GAP43: variants seen among roughly 807,000 people sequenced by gnomAD.
GAP43 encodes growth associated protein 43.
In GAP43, 6 loss-of-function variants were observed where a neutral mutation model predicts 18.6. That is an observed-to-expected ratio of 0.32 (90% confidence interval 0.18 to 0.64). The LOEUF is 0.64. GAP43 is among the 30% of genes least tolerant of loss of function. GAP43 has a pLI of 0.78. For synonymous variants in GAP43, 115 were observed against 111.4 expected (o/e 1.03, Z -0.20); for missense variants, 292 against 295.5 (o/e 0.99, Z 0.09).
intron 2 of GAP43, among the ~76,000 whole-genome samples, chr3:115,702,231 TAAAG>T (rs1169685802): frequency 6.6e-6 from 1 of 152,116 alleles, no homozygotes; most frequent in African/African-American, 2.4e-5. Context: ...GATTTCATGA[TAAAG>T]AAAGTAATAT....
intron 2 of GAP43, among the ~76,000 whole-genome samples, chr3:115,713,968 A>G (rs1709470729): frequency 6.6e-6 from 1 of 152,208 alleles, no homozygotes; most frequent in African/African-American, 2.4e-5. Context: ...TACGCTCCTT[A>G]GGGCTGAGTG....
At chr3:115,645,193 A>G (rs1225325369) in intron 1 of GAP43, among the ~76,000 whole-genome samples, 1 of 152,048 alleles carries the variant, frequency 6.6e-6, no homozygotes, top group Non-Finnish European at 1.5e-5. Flanking sequence ...TATAGGGTAA[A>G]TATATGAATC....
chr3:115,641,195 C>A (rs987029102), intron 1 of GAP43, among the ~76,000 whole-genome samples: 2 of 151,760 alleles, frequency 1.3e-5, no homozygotes, highest in African/African-American at 2.4e-5. Flanking sequence ...TTCTACCAAA[C>A]CACATTCTGC....
Position 115,695,313 on chromosome 3 carries a change from T to G in GAP43, c.628+18703T>G, listed in dbSNP as rs1709171540. On this transcript the variant is annotated intron_variant, in intron 2 of 2. Coordinates refer to ENST00000305124, the MANE Select transcript of GAP43 (RefSeq NM_002045.4). ...AGTCTGTCATCAAGCACTGTTAAAA[T>G]AGATCAACATTTCCAGAAATTTCAT... Among the ~76,000 whole-genome samples the G allele has an allele frequency of 2.0e-5, 3 of 152,192 alleles. No individual in the cohort carries two copies. In the South Asian group the frequency reaches 6.2e-4, roughly 32 times the overall value.
chr3:115,659,770 G>T (rs6770259), intron 1 of GAP43, among the ~76,000 whole-genome samples: 6,539 of 152,216 alleles, frequency 0.043, 203 homozygotes, highest in Non-Finnish European at 0.067. Context: ...AGTGATGAGT[G>T]TAGGAAGCTC....
At chr3:115,715,780 A>G (rs1345082888) in intron 2 of GAP43, among the ~76,000 whole-genome samples, 1 of 152,146 alleles carries the variant, frequency 6.6e-6, no homozygotes, top group East Asian at 1.9e-4. Flanking sequence ...AAACGTTGTA[A>G]TCTTCAGACC....
At chr3:115,664,823 T>G (rs1708711617) in intron 1 of GAP43, among the ~76,000 whole-genome samples, 1 of 152,166 alleles carries the variant, frequency 6.6e-6, no homozygotes, top group Non-Finnish European at 1.5e-5. Context: ...AGAAATCTAA[T>G]TAAAATGGAA....
intron 1 of GAP43, among the ~76,000 whole-genome samples, chr3:115,643,956 G>A (rs1432048354): frequency 2.6e-5 from 4 of 151,974 alleles, no homozygotes; most frequent in Non-Finnish European, 5.9e-5. Context: ...AGCTAAACAC[G>A]TGCTACAGCT....
intron 2 of GAP43, among the ~76,000 whole-genome samples, chr3:115,714,073 G>C (rs999052636): frequency 6.6e-5 from 10 of 152,108 alleles, no homozygotes; most frequent in African/African-American, 2.4e-4. Flanking sequence ...CAATAACTTA[G>C]AGGTTTTTGC....
chr3:115,717,841 T>C (rs1709530396), intron 2 of GAP43, among the ~76,000 whole-genome samples: 1 of 152,210 alleles, frequency 6.6e-6, no homozygotes, highest in Admixed American at 6.5e-5. Context: ...TAATTTCCTG[T>C]CATAATAAAC....
At chr3:115,708,264 T>A (rs1709389558) in intron 2 of GAP43, among the ~76,000 whole-genome samples, 1 of 152,210 alleles carries the variant, frequency 6.6e-6, no homozygotes. Context: ...AATGAAGTGA[T>A]GAATTCTGTT....
intron 2 of GAP43, among the ~76,000 whole-genome samples, chr3:115,698,274 T>TATATATAAATATAATATATATATA (rs1709245837): frequency 3.7e-4 from 1 of 2,728 alleles, no homozygotes; most frequent in African/African-American, 7.2e-4. Flanking sequence ...AAATATATAT[T>TATATATAAATATAATATATATATA]ATATATAAAT....
intron 2 of GAP43, among the ~76,000 whole-genome samples, chr3:115,682,057 C>T (rs1708963836): frequency 6.6e-6 from 1 of 152,212 alleles, no homozygotes; most frequent in Non-Finnish European, 1.5e-5. Flanking sequence ...ATTCCAGACT[C>T]TTGTCTGGGA....
At chr3:115,635,974 G>C (rs374059690) in intron 1 of GAP43, among the ~76,000 whole-genome samples, 2 of 151,916 alleles carry the variant, frequency 1.3e-5, no homozygotes, top group African/African-American at 4.8e-5. Context: ...GAAACTGATT[G>C]GTTTGTGTAC....
At chr3:115,696,582 C>CT (rs1559803659) in intron 2 of GAP43, among the ~76,000 whole-genome samples, 1 of 123,772 alleles carries the variant, frequency 8.1e-6, no homozygotes, top group Non-Finnish European at 1.7e-5. Context: ...CCCACCGCCC[C>CT]CCCCCCCCAC....
chr3:115,640,305 G>T (rs1287618871), intron 1 of GAP43, among the ~76,000 whole-genome samples: 1 of 151,950 alleles, frequency 6.6e-6, no homozygotes, highest in Non-Finnish European at 1.5e-5. Context: ...GAGTAGTTTG[G>T]GTTGCCAAGA....
intron 1 of GAP43, among the ~76,000 whole-genome samples, chr3:115,652,743 AT>A (rs892921974): frequency 3.3e-5 from 5 of 152,090 alleles, no homozygotes; most frequent in African/African-American, 1.2e-4. Context: ...AGTTCCTAAT[AT>A]TTTGCATATA....
chr3:115,624,774 A>G (rs542136392), intron 1 of GAP43, among the ~76,000 whole-genome samples: 2 of 152,176 alleles, frequency 1.3e-5, no homozygotes, highest in South Asian at 2.1e-4. Context: ...CGACCATGCC[A>G]TGGCAGTCTC....
Position 115,690,325 on chromosome 3 carries a change from C to A in GAP43, c.628+13715C>A, listed in dbSNP as rs1473784697. On this transcript the variant is annotated intron_variant, in intron 2 of 2. Transcript: ENST00000305124. ...GACATTGTCTCTGCTTGCTTCCAGA[C>A]AGGAAAAGAAAAGGATTGAGTTTCA... Among the ~76,000 whole-genome samples the A allele has an allele frequency of 3.3e-5, 5 of 150,952 alleles. No homozygotes were observed. In the East Asian group the frequency reaches 9.8e-4, roughly 30 times the overall value.
Sources: allele counts gnomAD v4.1 joint callset (sites outside exome capture counted in the v4.1 genomes callset), GRCh38; gene constraint gnomAD v4.1.1; transcripts MANE v1.5; gene names NCBI Gene and HGNC (gene_info 2026-07-23, HGNC 2026-07-21).